PRELID2: variants seen among roughly 807,000 people sequenced by gnomAD.
The protein encoded by PRELID2 is PRELI domain containing 2.
PRELID2 carries 25 observed loss-of-function variants against 28.4 expected under a neutral mutation model. The ratio of observed to expected loss-of-function variants is 0.88; its 90% CI spans 0.64 to 1.23. PRELID2 has a LOEUF of 1.23. PRELID2 is among the 50% of genes most tolerant of loss of function. The probability of loss-of-function intolerance (pLI) is 0.00; values close to 1 mark genes in which losing one functional copy is unlikely to be tolerated. For missense variants in PRELID2, 201 were observed against 214.4 expected, an observed-to-expected ratio of 0.94 and a Z score of 0.39; for synonymous variants, 76 against 71.6, an observed-to-expected ratio of 1.06 and a Z score of -0.31.
intron 1 of PRELID2, among the ~76,000 whole-genome samples, chr5:145,683,767 C>T (rs2149690700): frequency 6.6e-6 from 1 of 152,310 alleles, no homozygotes; most frequent in African/African-American, 2.4e-5. Flanking sequence ...AGGGAGAACA[C>T]AGTTCAACCT....
intron 5 of PRELID2, among the ~76,000 whole-genome samples, chr5:145,782,909 C>T (rs995981430): frequency 3.3e-5 from 5 of 152,146 alleles, no homozygotes; most frequent in Admixed American, 3.3e-4. Context: ...AAATGACCTA[C>T]CCAGTTAAGT....
At chr5:145,501,120 C>T (rs776716139) in intron 1 of PRELID2, among the ~76,000 whole-genome samples, 20 of 152,212 alleles carry the variant, frequency 1.3e-4, no homozygotes, top group Non-Finnish European at 2.4e-4. Context: ...ACTCATAGTC[C>T]AGGCCACCCC....
intron 4 of PRELID2, among the ~76,000 whole-genome samples, chr5:145,800,469 T>C (rs996547788): frequency 6.6e-6 from 1 of 152,154 alleles, no homozygotes; most frequent in South Asian, 2.1e-4. Flanking sequence ...GTCTTTATTC[T>C]GGATTAGTCA....
the PRELID2 span, among the ~76,000 whole-genome samples, chr5:145,359,161 C>A: frequency 6.6e-6 from 1 of 152,192 alleles, no homozygotes; most frequent in Non-Finnish European, 1.5e-5. Flanking sequence ...CAATTATAAT[C>A]TTTGATTAAG....
At chr5:145,374,154 A>G in the PRELID2 span, among the ~76,000 whole-genome samples, 1 of 151,616 alleles carries the variant, frequency 6.6e-6, no homozygotes, top group Non-Finnish European at 1.5e-5. Flanking sequence ...TGCTTCTTTC[A>G]GGAGCTCTTG....
At chr5:145,333,952 C>T in the PRELID2 span, among the ~76,000 whole-genome samples, 32,923 of 151,986 alleles carry the variant, frequency 0.22, 3,873 homozygotes, top group South Asian at 0.33. Context: ...TTGCAAAGAC[C>T]GTGGGAAAAT....
the PRELID2 span, among the ~76,000 whole-genome samples, chr5:145,299,012 C>T: frequency 6.6e-6 from 1 of 151,888 alleles, no homozygotes; most frequent in Non-Finnish European, 1.5e-5. Flanking sequence ...TTGCATTTTG[C>T]AATACTTATA....
intron 1 of PRELID2, among the ~76,000 whole-genome samples, chr5:145,576,003 C>G (rs754990617): frequency 3.9e-5 from 6 of 152,146 alleles, no homozygotes; most frequent in Non-Finnish European, 8.8e-5. Flanking sequence ...TCTTGAAAAT[C>G]TCCTTCTAGA....
chr5:145,574,916 A>G (rs1753047794), intron 1 of PRELID2, among the ~76,000 whole-genome samples: 3 of 152,230 alleles, frequency 2.0e-5, no homozygotes, highest in Admixed American at 2.0e-4. Flanking sequence ...CATGTTCAGC[A>G]TAGGTGTAAC....
At chr5:145,570,636 T>C (rs1421946525) in intron 1 of PRELID2, among the ~76,000 whole-genome samples, 1 of 152,156 alleles carries the variant, frequency 6.6e-6, no homozygotes, top group African/African-American at 2.4e-5. Context: ...ACCTTCAAAA[T>C]ATATCCAGAA....
the PRELID2 span, among the ~76,000 whole-genome samples, chr5:145,460,648 C>CA: frequency 2.0e-5 from 3 of 152,182 alleles, no homozygotes; most frequent in East Asian, 1.9e-4. Context: ...TTAATCTTCA[C>CA]AAAAAATATA....
At chr5:145,440,146 C>T in the PRELID2 span, among the ~76,000 whole-genome samples, 128 of 152,134 alleles carry the variant, frequency 8.4e-4, no homozygotes, top group African/African-American at 2.9e-3. Flanking sequence ...ATGGATGAAC[C>T]GTTTAAATAA....
intron 1 of PRELID2, among the ~76,000 whole-genome samples, chr5:145,627,918 A>G (rs373222032): frequency 6.6e-6 from 1 of 152,216 alleles, no homozygotes; most frequent in Admixed American, 6.5e-5. Context: ...CTAAATATAA[A>G]TATGTCCTGG....
the PRELID2 span, among the ~76,000 whole-genome samples, chr5:145,417,301 CT>C: frequency 6.6e-6 from 1 of 152,106 alleles, no homozygotes; most frequent in Non-Finnish European, 1.5e-5. Context: ...GAATTCACAG[CT>C]GAATTCTACC....
At chr5:145,415,432 AC>A in the PRELID2 span, among the ~76,000 whole-genome samples, 1 of 69,246 alleles carries the variant, frequency 1.4e-5, no homozygotes, top group Admixed American at 1.5e-4. Context: ...ACCCTCCCCC[AC>A]CCCCACCCCA....
chr5:145,406,070 A>G, the PRELID2 span, among the ~76,000 whole-genome samples: 2 of 152,014 alleles, frequency 1.3e-5, no homozygotes, highest in Non-Finnish European at 2.9e-5. Flanking sequence ...GAACAACACC[A>G]TGGGGATGTT....
chr5:145,373,224 ATT>A, the PRELID2 span, among the ~76,000 whole-genome samples: 1 of 59,916 alleles, frequency 1.7e-5, no homozygotes, highest in Non-Finnish European at 2.9e-5. Flanking sequence ...TATGATATAT[ATT>A]ACAACATATA....
In PRELID2 at chr5:145,720,080, G is replaced by T. The variant is rs191249174; in HGVS notation, n.70+44851C>A. Among the ~76,000 whole-genome samples, 153 of 151,656 alleles carry T rather than the reference G, an allele frequency of 1.0e-3. 1 individual carries two copies. Among genetic ancestry groups the T allele is most frequent in the African/African-American group, 3.5e-3 (146 of 41,424 alleles). Reference sequence around the variant, plus strand: ...GACAATAAAAATAAAACATTAAAAGGGTCTAAAAGGAAGTGATTTAAATGA... The same window carrying T: ...GACAATAAAAATAAAACATTAAAAGTGTCTAAAAGGAAGTGATTTAAATGA... On this transcript the variant is annotated intron_variant and non_coding_transcript_variant, in intron 1 of 2. Transcript: ENST00000510259.
chr5:145,664,710 T>G (rs1030837942), intron 1 of PRELID2, among the ~76,000 whole-genome samples: 3 of 152,150 alleles, frequency 2.0e-5, no homozygotes, highest in Non-Finnish European at 4.4e-5. Flanking sequence ...AAGGTGGCTC[T>G]GGCAAAACCA....
Sources: gnomAD v4.1 joint callset for allele counts (sites outside exome capture counted in the v4.1 genomes callset) on GRCh38, gnomAD v4.1.1 for gene constraint, MANE v1.5 for transcripts, NCBI Gene and HGNC (gene_info 2026-07-23, HGNC 2026-07-21) for gene names.